CTNNA2: variants seen among roughly 807,000 people sequenced by gnomAD.
CTNNA2 encodes catenin alpha 2.
In CTNNA2, 42 loss-of-function variants were observed where a neutral mutation model predicts 101.0. That is an observed-to-expected ratio of 0.42 (90% CI 0.32 to 0.54). CTNNA2 has a LOEUF of 0.54. CTNNA2 is among the 20% of genes least tolerant of loss of function. The pLI is 0.14. For synonymous variants in CTNNA2, 450 were observed against 456.4 expected (o/e 0.99, Z 0.18); for missense variants, 871 against 1,223.1 (o/e 0.71, Z 4.29).
intron 18 of CTNNA2, among the ~76,000 whole-genome samples, chr2:80,647,079 C>T (rs1674178358): frequency 6.6e-6 from 1 of 151,788 alleles, no homozygotes; most frequent in African/African-American, 2.4e-5. Flanking sequence ...ATACTGAGGA[C>T]CTGTTAATAG....
At chr2:79,587,849 C>T (rs7568959) in intron 1 of CTNNA2, among the ~76,000 whole-genome samples, 104,248 of 152,040 alleles carry the variant, frequency 0.69, 36,030 homozygotes, top group South Asian at 0.79. Flanking sequence ...TTGCAGGGCC[C>T]ATTTCTCAAA....
chr2:79,949,411 A>T (rs1367375898), intron 7 of CTNNA2, among the ~76,000 whole-genome samples: 4 of 152,222 alleles, frequency 2.6e-5, no homozygotes, highest in Non-Finnish European at 5.9e-5. Context: ...GTGGAAGACC[A>T]TTTTAACTTT....
chr2:79,794,948 T>C (rs576808572), intron 3 of CTNNA2, among the ~76,000 whole-genome samples: 8 of 152,330 alleles, frequency 5.3e-5, no homozygotes, highest in Admixed American at 5.2e-4. Context: ...CCTTAATATT[T>C]GTAGGGCCCA....
chr2:79,521,911 T>A (rs1175532753), intron 1 of CTNNA2, among the ~76,000 whole-genome samples: 1 of 152,042 alleles, frequency 6.6e-6, no homozygotes, highest in African/African-American at 2.4e-5. Context: ...TGGGCAAGCA[T>A]ACAAATAGTG....
At chr2:80,348,132 C>G (rs1223483111) in intron 7 of CTNNA2, among the ~76,000 whole-genome samples, 1 of 152,130 alleles carries the variant, frequency 6.6e-6, no homozygotes, top group Non-Finnish European at 1.5e-5. Flanking sequence ...AACAGACTTT[C>G]AATTTGTGAC....
chr2:80,464,344 A>G (rs1201959783), intron 9 of CTNNA2, among the ~76,000 whole-genome samples: 1 of 152,188 alleles, frequency 6.6e-6, no homozygotes, highest in Non-Finnish European at 1.5e-5. Context: ...GGTATCAGAC[A>G]TTGGGTTAAA....
intron 7 of CTNNA2, among the ~76,000 whole-genome samples, chr2:80,311,469 C>T (rs946881412): frequency 6.6e-6 from 1 of 152,184 alleles, no homozygotes; most frequent in African/African-American, 2.4e-5. Flanking sequence ...ATCATTCTTC[C>T]TCTTCACACC....
chr2:79,783,390 T>C (rs1674600689), intron 3 of CTNNA2, among the ~76,000 whole-genome samples: 2 of 152,212 alleles, frequency 1.3e-5, no homozygotes, highest in Admixed American at 1.3e-4. Flanking sequence ...GGATTATGAC[T>C]GCAGGGCCTT....
At position 80,169,805 on chromosome 2, in the gene CTNNA2, G is replaced by A. The variant is rs566904815; in HGVS notation, c.1057-223406G>A. 4.6e-5 allele frequency among the ~76,000 whole-genome samples: 7 copies of A among 152,322 alleles called. No individual in the cohort carries two copies. In the East Asian group the frequency reaches 1.4e-3, roughly 29 times the overall value. On this transcript the variant is annotated intron_variant, in intron 7 of 18. Transcript: ENST00000402739. ...TTGTAACAGTATACAAAATACATGG[G>A]TTTTGGTGCCAGATAGACATGATTT...
intron 8 of CTNNA2, among the ~76,000 whole-genome samples, chr2:80,394,733 C>CAAA (rs753806554): frequency 1.3e-4 from 20 of 151,484 alleles, no homozygotes; most frequent in Non-Finnish European, 7.4e-5. Context: ...CTTGGTCTTA[C>CAAA]AAAAATAAGG....
chr2:79,370,753 T>C (rs1677851973), intron 3 of CTNNA2, among the ~76,000 whole-genome samples: 1 of 152,174 alleles, frequency 6.6e-6, no homozygotes, highest in Non-Finnish European at 1.5e-5. Context: ...TGAGCTCTCA[T>C]ACCTCCAGGT....
intron 7 of CTNNA2, among the ~76,000 whole-genome samples, chr2:80,024,093 A>G (rs1574568036): frequency 6.6e-6 from 1 of 151,812 alleles, no homozygotes; most frequent in East Asian, 1.9e-4. Context: ...TCTCAGAAAA[A>G]AAAAAAAAAA....
intron 7 of CTNNA2, among the ~76,000 whole-genome samples, chr2:80,282,517 C>T (rs1343047409): frequency 6.6e-6 from 1 of 152,066 alleles, no homozygotes; most frequent in Non-Finnish European, 1.5e-5. Context: ...ACAATCAGCT[C>T]TCCTATAGGT....
intron 4 of CTNNA2, among the ~76,000 whole-genome samples, chr2:79,386,932 C>A (rs116659737): frequency 6.6e-6 from 1 of 152,134 alleles, no homozygotes; most frequent in Non-Finnish European, 1.5e-5. Context: ...TCAACCTGCC[C>A]CCACCCATGG....
intron 1 of CTNNA2, among the ~76,000 whole-genome samples, chr2:79,551,117 G>T (rs879564917): frequency 2.0e-5 from 3 of 152,256 alleles, no homozygotes; most frequent in Non-Finnish European, 4.4e-5. Flanking sequence ...TATAGCTGCT[G>T]CAAACCAAAG....
intron 7 of CTNNA2, among the ~76,000 whole-genome samples, chr2:79,979,685 A>T (rs899185442): frequency 5.3e-5 from 8 of 152,174 alleles, no homozygotes; most frequent in African/African-American, 1.9e-4. Flanking sequence ...CGACAAGACA[A>T]AAAGAAAGTG....
At chr2:80,305,311 G>C (rs1293920227) in intron 7 of CTNNA2, 3 of 985,272 alleles carry the variant, frequency 3.0e-6, no homozygotes, top group Non-Finnish European at 3.6e-6. Flanking sequence ...GTGAGATCCA[G>C]TGTGGCAAAA....
chr2:80,345,227 A>T (rs1672629153), intron 7 of CTNNA2, among the ~76,000 whole-genome samples: 1 of 152,132 alleles, frequency 6.6e-6, no homozygotes, highest in South Asian at 2.1e-4. Context: ...TATCTCACAG[A>T]TGTTACCTTC....
At chr2:79,663,828 A>ATGAT (rs1682211981) in intron 2 of CTNNA2, among the ~76,000 whole-genome samples, 1 of 152,212 alleles carries the variant, frequency 6.6e-6, no homozygotes. Flanking sequence ...TATCTCCAGT[A>ATGAT]CCTTTGACAC....
Sources: allele counts gnomAD v4.1 joint callset (sites outside exome capture counted in the v4.1 genomes callset), GRCh38; gene constraint gnomAD v4.1.1; transcripts MANE v1.5; gene names NCBI Gene and HGNC (gene_info 2026-07-23, HGNC 2026-07-21).